Variants in CCDC171 observed in about 807,000 individuals in gnomAD.
CCDC171 encodes coiled-coil domain containing 171, also known as coiled-coil domain-containing protein 171.
Under a neutral mutation model 168.2 loss-of-function variants are expected in CCDC171, and 177 were observed. That is an observed-to-expected ratio of 1.05 (90% CI 0.93 to 1.19). The LOEUF (loss-of-function observed/expected upper bound fraction) is 1.19. CCDC171 is among the 50% of genes most tolerant of loss of function. The pLI, the probability that CCDC171 is intolerant of heterozygous loss-of-function variation, is 0.00. For synonymous variants in CCDC171, 687 were observed against 540.8 expected (o/e 1.27, Z -3.75); for missense variants, 1,991 against 1,539.0 (o/e 1.29, Z -4.91).
intron 1 of CCDC171, among the ~76,000 whole-genome samples, chr9:16,054,822 C>G (rs954207700): frequency 6.6e-6 from 1 of 152,252 alleles, no homozygotes; most frequent in East Asian, 1.9e-4. Flanking sequence ...GCATTTAGGA[C>G]ACTAGTCCTT....
chr9:15,708,116 G>A (rs191019387), intron 11 of CCDC171, among the ~76,000 whole-genome samples: 17 of 152,204 alleles, frequency 1.1e-4, no homozygotes, highest in Admixed American at 1.0e-3. Flanking sequence ...CCAAAGTGTT[G>A]GGATTACAGG....
At chr9:16,067,062 G>A in the CCDC171 span, among the ~76,000 whole-genome samples, 1 of 152,012 alleles carries the variant, frequency 6.6e-6, no homozygotes, top group Non-Finnish European at 1.5e-5. Context: ...GGTTGAACTA[G>A]TTTACAGTCC....
chr9:15,752,243 G>A (rs1388781230), intron 18 of CCDC171, among the ~76,000 whole-genome samples: 2 of 152,168 alleles, frequency 1.3e-5, no homozygotes, highest in African/African-American at 2.4e-5. Context: ...TCATGAAAAA[G>A]TCAGGAAACA....
intron 24 of CCDC171, among the ~76,000 whole-genome samples, chr9:15,918,000 T>C (rs932038130): frequency 1.3e-5 from 2 of 151,696 alleles, no homozygotes. Context: ...AATTCAATAG[T>C]TTACCATTTT....
the CCDC171 span, among the ~76,000 whole-genome samples, chr9:16,089,064 A>C: frequency 6.6e-6 from 1 of 152,148 alleles, no homozygotes; most frequent in Non-Finnish European, 1.5e-5. Context: ...CCACACAGCT[A>C]CAACAATCTG....
chr9:15,610,576 C>T (rs753650742), intron 6 of CCDC171, among the ~76,000 whole-genome samples: 10 of 149,546 alleles, frequency 6.7e-5, no homozygotes, highest in Admixed American at 6.0e-4. Context: ...TGCAGTGAAC[C>T]GAGCTGGTGC....
chr9:15,714,476 C>T (rs766799481), intron 11 of CCDC171, among the ~76,000 whole-genome samples: 2 of 152,144 alleles, frequency 1.3e-5, no homozygotes, highest in Non-Finnish European at 2.9e-5. Context: ...AATTACCTGA[C>T]CTCTGTAAGC....
intron 7 of CCDC171, among the ~76,000 whole-genome samples, chr9:15,644,560 C>T (rs1262616862): frequency 1.3e-5 from 2 of 152,216 alleles, no homozygotes; most frequent in African/African-American, 2.4e-5. Flanking sequence ...TGCACTTTTC[C>T]AGTGGTCTTA....
At chr9:15,756,740 G>A (rs2056143241) in intron 18 of CCDC171, among the ~76,000 whole-genome samples, 1 of 152,126 alleles carries the variant, frequency 6.6e-6, no homozygotes, top group African/African-American at 2.4e-5. Context: ...CCATAATTCC[G>A]GCATGTTGTG....
chr9:15,771,482 C>G (rs541578799), intron 18 of CCDC171, among the ~76,000 whole-genome samples: 1 of 152,106 alleles, frequency 6.6e-6, no homozygotes, highest in Non-Finnish European at 1.5e-5. Context: ...TCATATTCTA[C>G]AAATGATCAT....
At chr9:15,943,846 A>G (rs1827992702) in intron 25 of CCDC171, among the ~76,000 whole-genome samples, 1 of 152,020 alleles carries the variant, frequency 6.6e-6, no homozygotes, top group Admixed American at 6.6e-5. Context: ...ATAAGGTGAT[A>G]AATGCTCATG....
intron 23 of CCDC171, among the ~76,000 whole-genome samples, chr9:15,873,248 A>G (rs887805474): frequency 2.0e-5 from 3 of 152,100 alleles, no homozygotes; most frequent in African/African-American, 7.2e-5. Context: ...AAATGTGTGT[A>G]TATCCTAAGG....
chr9:15,822,554 C>T (rs763065649), intron 21 of CCDC171, among the ~76,000 whole-genome samples: 2 of 152,232 alleles, frequency 1.3e-5, no homozygotes, highest in East Asian at 1.9e-4. Flanking sequence ...CAAAAGAAGA[C>T]ATTTATGCAG....
rs558085173 is a variant in CCDC171 at position 15,842,603 on chromosome 9, A to G, written c.3268-4099A>G. On this transcript the variant is annotated intron_variant, in intron 21 of 25. Coordinates refer to ENST00000380701, the MANE Select transcript of CCDC171 (RefSeq NM_173550.4). ...TAAGGTTTTTTTTCTAAAGAATTTT[A>G]CTTCAAAAAAGACCTCTATTGGTGA... is the stretch of plus-strand genomic sequence containing the variant. Among the ~76,000 whole-genome samples, 4 of 152,020 alleles carry G rather than the reference A, an allele frequency of 2.6e-5. No individual in the cohort carries two copies. In the South Asian group the frequency reaches 8.3e-4, roughly 32 times the overall value.
intron 7 of CCDC171, chr9:16,036,037 T>G (rs1418711804): frequency 6.6e-6 from 1 of 152,202 alleles, no homozygotes; most frequent in African/African-American, 2.4e-5. Context: ...AGAAAAGTTA[T>G]TGGTTTCAGG....
the CCDC171 span, among the ~76,000 whole-genome samples, chr9:16,098,894 TC>T: frequency 1.3e-5 from 2 of 152,180 alleles, no homozygotes; most frequent in African/African-American, 4.8e-5. Context: ...GCACGGATGT[TC>T]CTAGAAAAAT....
At chr9:15,936,596 T>C (rs1350036883) in intron 25 of CCDC171, among the ~76,000 whole-genome samples, 1 of 151,966 alleles carries the variant, frequency 6.6e-6, no homozygotes, top group African/African-American at 2.4e-5. Context: ...TTTCAACAGT[T>C]GTATGTTGCT....
chr9:15,756,890 C>T (rs985447786), intron 18 of CCDC171, among the ~76,000 whole-genome samples: 1 of 152,202 alleles, frequency 6.6e-6, no homozygotes, highest in African/African-American at 2.4e-5. Flanking sequence ...CTCTTTCTTT[C>T]TGCCACCATG....
chr9:15,960,695 C>A (rs1395746150), intron 25 of CCDC171, among the ~76,000 whole-genome samples: 1 of 152,134 alleles, frequency 6.6e-6, no homozygotes, highest in African/African-American at 2.4e-5. Context: ...AGAACATGTG[C>A]CCCAGTGCTT....
Sources: gnomAD v4.1 joint callset for allele counts (sites outside exome capture counted in the v4.1 genomes callset) on GRCh38, gnomAD v4.1.1 for gene constraint, MANE v1.5 for transcripts, NCBI Gene and HGNC (gene_info 2026-07-23, HGNC 2026-07-21) for gene names.